The following IMMP2L variants were observed in gnomAD, a reference collection of about 807,000 sequenced individuals.
IMMP2L encodes the protein inner mitochondrial membrane peptidase subunit 2.
Under a neutral mutation model 19.3 loss-of-function variants are expected in IMMP2L, and 18 were observed. That is an observed-to-expected ratio of 0.93 (90% CI 0.64 to 1.38). The LOEUF is 1.38. Ranked by LOEUF, IMMP2L falls within the 40% of genes most tolerant of loss-of-function variation. The pLI, the probability that IMMP2L is intolerant of heterozygous loss-of-function variation, is 0.00. For missense variants in IMMP2L, 233 were observed against 218.2 expected, an observed-to-expected ratio of 1.07 and a Z score of -0.43; for synonymous variants, 76 against 73.0, an observed-to-expected ratio of 1.04 and a Z score of -0.21.
intron 3 of IMMP2L, among the ~76,000 whole-genome samples, chr7:111,236,572 T>C (rs967053620): frequency 2.0e-5 from 3 of 152,146 alleles, no homozygotes; most frequent in African/African-American, 4.8e-5. Flanking sequence ...CAGCTTTTTG[T>C]AGGTTCCCCA....
chr7:111,011,133 T>C (rs1168212198), intron 3 of IMMP2L, among the ~76,000 whole-genome samples: 1 of 151,930 alleles, frequency 6.6e-6, no homozygotes, highest in Non-Finnish European at 1.5e-5. Context: ...GCAATGATTA[T>C]GGAAAGAAAA....
At chr7:111,145,931 T>C (rs1395196876) in intron 3 of IMMP2L, among the ~76,000 whole-genome samples, 1 of 152,104 alleles carries the variant, frequency 6.6e-6, no homozygotes, top group Non-Finnish European at 1.5e-5. Context: ...GCTCCATTCA[T>C]CATTCAACGC....
At chr7:110,672,633 G>A (rs1792000487) in intron 5 of IMMP2L, among the ~76,000 whole-genome samples, 1 of 152,186 alleles carries the variant, frequency 6.6e-6, no homozygotes, top group Admixed American at 6.5e-5. Context: ...GAGGGTACAG[G>A]CATTGGGTAA....
intron 3 of IMMP2L, among the ~76,000 whole-genome samples, chr7:111,156,332 A>T (rs1384674743): frequency 6.6e-6 from 1 of 152,108 alleles, no homozygotes; most frequent in East Asian, 1.9e-4. Flanking sequence ...TAAAAGTTCT[A>T]GTTGCTCCAC....
intron 3 of IMMP2L, among the ~76,000 whole-genome samples, chr7:111,190,548 G>A (rs1202152597): frequency 6.6e-6 from 1 of 152,132 alleles, no homozygotes; most frequent in Non-Finnish European, 1.5e-5. Context: ...ACGTAAGGTA[G>A]AGAAAAGTGG....
intron 3 of IMMP2L, among the ~76,000 whole-genome samples, chr7:111,111,121 T>C (rs1261214468): frequency 6.6e-6 from 1 of 152,090 alleles, no homozygotes; most frequent in East Asian, 1.9e-4. Context: ...CTAATCCACA[T>C]ATGAGATGAA....
At chr7:111,041,865 G>A (rs1156526840) in intron 3 of IMMP2L, among the ~76,000 whole-genome samples, 2 of 152,174 alleles carry the variant, frequency 1.3e-5, no homozygotes, top group African/African-American at 2.4e-5. Flanking sequence ...CATAGGCTCT[G>A]AAGATAGAAT....
intron 5 of IMMP2L, among the ~76,000 whole-genome samples, chr7:110,843,750 C>A (rs1406020945): frequency 2.0e-5 from 3 of 152,112 alleles, no homozygotes; most frequent in African/African-American, 4.8e-5. Flanking sequence ...TGGATAAGGG[C>A]CTTGCTGAGG....
At position 110,760,570 on chromosome 7, in the gene IMMP2L, C is replaced by CT. The variant is rs1159774498; in HGVS notation, c.409-96850dup. On this transcript the variant is annotated intron_variant, in intron 5 of 5. Coordinates refer to ENST00000405709, the MANE Select transcript of IMMP2L (RefSeq NM_032549.4). The surrounding 1 kb of genome is among the most constrained non-coding windows in gnomAD (Gnocchi z 4.2). ...TCCCCAACTCCCAGGAGGGCAACTG[C>CT]TGGGAAGGAATGAAGTTCCTAGAAG... is the stretch of plus-strand genomic sequence containing the variant. 5.9e-5 allele frequency among the ~76,000 whole-genome samples: 9 copies of CT among 152,190 alleles called. No individual in the cohort carries two copies. The highest frequency in any genetic ancestry group is 2.2e-4 in the African/African-American group (9 of 41,542).
Position 111,123,556 on chromosome 7 carries a change from CT to C in IMMP2L, c.240-159992del. ...TGTTGCTCTTCAAAAAGTTGTAAAT[CT>C]CAAATTTTTGGATCTAAATAAAAAT... On this transcript the variant is annotated intron_variant, in intron 3 of 5. Coordinates refer to ENST00000405709, the MANE Select transcript of IMMP2L (RefSeq NM_032549.4). This position sits in a 1 kb window ranked among gnomAD's most constrained non-coding sequence, Gnocchi z 6.4. 6.2e-7 allele frequency: 1 copy of C among 1,613,704 alleles called. No homozygotes were observed. The highest frequency in any genetic ancestry group is 8.5e-7 in the Non-Finnish European group (1 of 1,179,852).
At chr7:111,038,684 T>A (rs2129570439) in intron 3 of IMMP2L, among the ~76,000 whole-genome samples, 1 of 152,292 alleles carries the variant, frequency 6.6e-6, no homozygotes, top group South Asian at 2.1e-4. Flanking sequence ...GGGAGTACAT[T>A]GTTTCATATG....
At chr7:110,687,050 G>A (rs1425519777) in intron 5 of IMMP2L, among the ~76,000 whole-genome samples, 5 of 151,942 alleles carry the variant, frequency 3.3e-5, no homozygotes, top group Non-Finnish European at 7.4e-5. Flanking sequence ...TTCCATACAA[G>A]TTCTTCAGGG....
intron 5 of IMMP2L, among the ~76,000 whole-genome samples, chr7:110,675,228 C>T (rs1010058389): frequency 6.6e-6 from 1 of 152,036 alleles, no homozygotes; most frequent in Non-Finnish European, 1.5e-5. Context: ...AAGTGGTGAC[C>T]CCTTTTGGAC....
intron 3 of IMMP2L, among the ~76,000 whole-genome samples, chr7:111,135,223 C>T (rs1282265401): frequency 1.3e-5 from 2 of 152,020 alleles, no homozygotes; most frequent in Non-Finnish European, 2.9e-5. Flanking sequence ...AAACTAAAAT[C>T]AAATATGAGG....
intron 3 of IMMP2L, among the ~76,000 whole-genome samples, chr7:111,460,905 T>C (rs1205237060): frequency 6.6e-6 from 1 of 152,240 alleles, no homozygotes; most frequent in African/African-American, 2.4e-5. Context: ...AGCATTTTAG[T>C]ATAGTTCCTT....
At chr7:110,765,698 G>A (rs757022135) in intron 5 of IMMP2L, among the ~76,000 whole-genome samples, 18 of 152,040 alleles carry the variant, frequency 1.2e-4, no homozygotes, top group African/African-American at 3.9e-4. Context: ...ATTGTGCAGT[G>A]CGCTGTCTGT....
chr7:110,815,118 C>T (rs894019123), intron 5 of IMMP2L, among the ~76,000 whole-genome samples: 19 of 151,962 alleles, frequency 1.3e-4, no homozygotes, highest in East Asian at 1.9e-4. Flanking sequence ...TAGATAGCTC[C>T]TATTATTTTG....
chr7:111,302,540 A>T (rs1822379537), intron 3 of IMMP2L, among the ~76,000 whole-genome samples: 1 of 152,150 alleles, frequency 6.6e-6, no homozygotes, highest in Non-Finnish European at 1.5e-5. Context: ...GGGCTCATTC[A>T]GTCTTCATGA....
chr7:111,423,309 C>T (rs1006036977), intron 3 of IMMP2L, among the ~76,000 whole-genome samples: 6 of 151,750 alleles, frequency 4.0e-5, no homozygotes, highest in Admixed American at 3.9e-4. Flanking sequence ...AATCTTTGTA[C>T]CTCTGGTAGA....
Sources: allele counts gnomAD v4.1 joint callset (sites outside exome capture counted in the v4.1 genomes callset), GRCh38; gene constraint gnomAD v4.1.1; non-coding constraint Gnocchi (gnomAD v3.1); transcripts MANE v1.5; gene names NCBI Gene and HGNC (gene_info 2026-07-23, HGNC 2026-07-21).